Variants in TLN2 observed in about 807,000 individuals in gnomAD.
TLN2 encodes talin 2, also known as talin-2.
In TLN2, 118 loss-of-function variants were observed where a neutral mutation model predicts 294.7. The observed-to-expected ratio is 0.40, with a 90% CI of 0.34 to 0.47. TLN2 has a LOEUF of 0.47. Among genes scored for constraint, TLN2 ranks in the 20% least tolerant of loss-of-function variants. The pLI, the probability that TLN2 is intolerant of heterozygous loss-of-function variation, is 0.84. For missense variants in TLN2, 3,083 were observed against 3,282.2 expected (o/e 0.94, Z 1.48); for synonymous variants, 1,431 against 1,304.5 (o/e 1.10, Z -2.09).
chr15:62,445,219 C>G (rs558793542), intron 1 of TLN2, among the ~76,000 whole-genome samples: 1 of 152,320 alleles, frequency 6.6e-6, no homozygotes, highest in East Asian at 1.9e-4. Context: ...AGCAGTCGTT[C>G]TTATCCCTGC....
chr15:62,582,315 C>A (rs2045197210), intron 1 of TLN2, among the ~76,000 whole-genome samples: 1 of 151,144 alleles, frequency 6.6e-6, no homozygotes, highest in Admixed American at 6.6e-5. Flanking sequence ...TGTGTCTGCC[C>A]CAGTTTCTTG....
chr15:62,758,806 G>C (rs1359919240), intron 37 of TLN2: 2 of 152,218 alleles, frequency 1.3e-5, no homozygotes, highest in African/African-American at 4.8e-5. Context: ...CAGGAGGCTC[G>C]GTTCATTGTT....
chr15:62,703,620 C>T (rs574509045), intron 19 of TLN2, among the ~76,000 whole-genome samples: 8 of 100,518 alleles, frequency 8.0e-5, no homozygotes, highest in Middle Eastern at 8.9e-3. Context: ...CACACACACA[C>T]ACGCGCGCAC....
intron 1 of TLN2, among the ~76,000 whole-genome samples, chr15:62,481,888 C>T (rs1316730831): frequency 6.7e-6 from 1 of 150,090 alleles, no homozygotes; most frequent in African/African-American, 2.5e-5. Flanking sequence ...CCTCCGCCTC[C>T]TGGGTTCAGG....
intron 3 of TLN2, among the ~76,000 whole-genome samples, chr15:62,620,501 T>C (rs1596365469): frequency 6.6e-6 from 1 of 151,274 alleles, no homozygotes; most frequent in East Asian, 2.0e-4. Flanking sequence ...TTTCTTTCTT[T>C]CTTTTTTTTT....
At chr15:62,669,588 G>A (rs1325534577) in intron 9 of TLN2, among the ~76,000 whole-genome samples, 2 of 152,100 alleles carry the variant, frequency 1.3e-5, no homozygotes, top group African/African-American at 2.4e-5. Flanking sequence ...CAGTGGGAGG[G>A]ATTTTGCTTG....
intron 32 of TLN2, among the ~76,000 whole-genome samples, chr15:62,743,799 A>G (rs1328093906): frequency 1.3e-5 from 2 of 152,272 alleles, no homozygotes; most frequent in Non-Finnish European, 1.5e-5. Context: ...GAAGGACTCC[A>G]GAACTGAGAA....
intron 32 of TLN2, 47 bp from the exon 33 acceptor site, chr15:62,748,304 T>G (rs1338038085): frequency 7.2e-7 from 1 of 1,395,002 alleles, no homozygotes; most frequent in African/African-American, 1.5e-5. Context: ...TAGGGGAAAT[T>G]ACTGTTGATC....
chr15:62,655,487 A>G (rs1466359095), intron 7 of TLN2, among the ~76,000 whole-genome samples: 2 of 152,074 alleles, frequency 1.3e-5, no homozygotes, highest in African/African-American at 4.8e-5. Flanking sequence ...GAGGTAACTT[A>G]CTATGCTCAT....
chr15:62,838,700 G>A (rs1402394467), intron 57 of TLN2, among the ~76,000 whole-genome samples, 156 bp from the exon 58 acceptor site: 1 of 148,420 alleles, frequency 6.7e-6, no homozygotes, highest in Non-Finnish European at 1.5e-5. Flanking sequence ...ACGGATGGAT[G>A]GACAGACAGA....
At chr15:62,442,403 A>T (rs2035591769) in intron 1 of TLN2, among the ~76,000 whole-genome samples, 1 of 149,034 alleles carries the variant, frequency 6.7e-6, no homozygotes, top group South Asian at 2.1e-4. Context: ...CTGAGGTAAG[A>T]GAATCGCTTG....
intron 54 of TLN2, chr15:62,827,525 G>C (rs1051081173): frequency 6.6e-6 from 1 of 152,180 alleles, no homozygotes; most frequent in African/African-American, 2.4e-5. Context: ...CAGTCACATA[G>C]TCAAAGTACA....
At chr15:62,708,387 G>T in intron 20 of TLN2, 115 bp from the exon 21 acceptor site, 1 of 1,071,916 alleles carries the variant, frequency 9.3e-7, no homozygotes, top group Non-Finnish European at 1.4e-6. Context: ...CAGTGGTCCT[G>T]TAAGTAAGAA....
chr15:62,770,333 G>A (rs960141260), intron 41 of TLN2, among the ~76,000 whole-genome samples: 2 of 152,248 alleles, frequency 1.3e-5, no homozygotes, highest in East Asian at 3.8e-4. Flanking sequence ...GCTTTAGTGA[G>A]CGTGGATGGA....
intron 2 of TLN2, among the ~76,000 whole-genome samples, chr15:62,590,389 C>T (rs888949572): frequency 6.6e-5 from 10 of 152,284 alleles, no homozygotes; most frequent in African/African-American, 2.2e-4. Context: ...CATCATTTAG[C>T]TCACATTTAT....
At chr15:62,505,177 T>G (rs991086064) in intron 1 of TLN2, among the ~76,000 whole-genome samples, 1 of 152,114 alleles carries the variant, frequency 6.6e-6, no homozygotes, top group Admixed American at 6.5e-5. Flanking sequence ...CAGGCCAGTC[T>G]CGAACTCCTG....
At chr15:62,573,596 C>T (rs371115772) in intron 1 of TLN2, among the ~76,000 whole-genome samples, 128 of 152,226 alleles carry the variant, frequency 8.4e-4, no homozygotes, top group African/African-American at 2.9e-3. Context: ...CTTCCCTCCT[C>T]TCTCCCTGGC....
chr15:62,728,315 A>C (rs749783131), intron 28 of TLN2, among the ~76,000 whole-genome samples: 2 of 152,166 alleles, frequency 1.3e-5, no homozygotes, highest in Non-Finnish European at 2.9e-5. Context: ...TGCTTCTTGC[A>C]TTTCCATTAT....
Position 62,823,360 on chromosome 15 carries a change from A to G in TLN2, c.7002+2750A>G, listed in dbSNP as rs1282514517. Among the ~76,000 whole-genome samples, 5 of 152,236 alleles carry G rather than the reference A, an allele frequency of 3.3e-5. No homozygotes were observed. The South Asian group carries it at 6.2e-4, about 19-fold the overall frequency. Reference sequence around the variant, plus strand: ...AATTTATTTCCCCAATTAAAAAACAATAACAACAATCTGCACCAAAATCAG... The same window carrying G: ...AATTTATTTCCCCAATTAAAAAACAGTAACAACAATCTGCACCAAAATCAG... On this transcript the variant is annotated intron_variant, in intron 54 of 58. Transcript: ENST00000636159.
Sources: gnomAD v4.1 joint callset for allele counts (sites outside exome capture counted in the v4.1 genomes callset) on GRCh38, gnomAD v4.1.1 for gene constraint, MANE v1.5 for transcripts, NCBI Gene and HGNC (gene_info 2026-07-23, HGNC 2026-07-21) for gene names.